The following ZMYND11 variants were observed in gnomAD, a reference collection of about 807,000 sequenced individuals.
The protein encoded by ZMYND11 is zinc finger MYND domain-containing protein 11.
Under a neutral mutation model 84.9 loss-of-function variants are expected in ZMYND11, and 9 were observed. The observed-to-expected ratio is 0.11, with a 90% confidence interval of 0.06 to 0.18. The LOEUF (loss-of-function observed/expected upper bound fraction) is 0.18, where lower values mean the gene tolerates loss of function less well. ZMYND11 is among the 10% of genes least tolerant of loss of function. ZMYND11 has a pLI of 1.00. For missense variants in ZMYND11, 409 were observed against 761.0 expected (o/e 0.54, Z 5.44); for synonymous variants, 250 against 244.1 (o/e 1.02, Z -0.23).
chr10:172,133 C>T (rs1845477778), intron 1 of ZMYND11, among the ~76,000 whole-genome samples: 1 of 152,164 alleles, frequency 6.6e-6, no homozygotes, highest in Non-Finnish European at 1.5e-5. Flanking sequence ...TTCATGAGGG[C>T]AGAGCCCCCA....
intron 1 of ZMYND11, among the ~76,000 whole-genome samples, chr10:136,054 C>T (rs1160687203): frequency 6.6e-6 from 1 of 151,624 alleles, no homozygotes; most frequent in Non-Finnish European, 1.5e-5. Context: ...CCGGGAGCGG[C>T]GGGCAGGGCT....
intron 2 of ZMYND11, among the ~76,000 whole-genome samples, chr10:194,672 A>G (rs1941306292): frequency 6.6e-6 from 1 of 152,232 alleles, no homozygotes; most frequent in South Asian, 2.1e-4. Flanking sequence ...TGATACAAGC[A>G]TATTTTAATG....
chr10:186,194 G>T (rs1035250189), intron 2 of ZMYND11, among the ~76,000 whole-genome samples: 1 of 151,526 alleles, frequency 6.6e-6, no homozygotes, highest in Admixed American at 6.6e-5. Flanking sequence ...TGTATTTTTA[G>T]TAGAGACGGG....
chr10:157,388 C>T lies in ZMYND11; in HGVS notation c.-20+21829C>T, dbSNP rs377069827. 9.9e-5 allele frequency among the ~76,000 whole-genome samples: 15 copies of T among 152,110 alleles called. No homozygotes were observed. The East Asian group carries it at 1.9e-3, about 20-fold the overall frequency. On this transcript the variant is annotated intron_variant, in intron 1 of 14. Coordinates refer to ENST00000381604, the MANE Select transcript of ZMYND11 (RefSeq NM_001370100.5). Reference sequence around the variant, plus strand: ...CTAATGTTTGTATTTTTTGTGGAGACGGGGTGTCACCATGTTGGCCAGGCT... The same window carrying T: ...CTAATGTTTGTATTTTTTGTGGAGATGGGGTGTCACCATGTTGGCCAGGCT...
intron 2 of ZMYND11, among the ~76,000 whole-genome samples, chr10:208,757 A>T (rs552878569): frequency 1.3e-5 from 2 of 152,312 alleles, no homozygotes; most frequent in South Asian, 4.1e-4. Context: ...TGACAGTGGC[A>T]ACATCTGTAA....
chr10:191,014 T>A (rs566840172), intron 2 of ZMYND11, among the ~76,000 whole-genome samples: 10 of 152,162 alleles, frequency 6.6e-5, no homozygotes, highest in Non-Finnish European at 1.2e-4. Flanking sequence ...TCTATCTTTG[T>A]ATCTTAGTGT....
chr10:198,571 G>A (rs1473510352), intron 2 of ZMYND11, among the ~76,000 whole-genome samples: 1 of 151,730 alleles, frequency 6.6e-6, no homozygotes, highest in Admixed American at 6.6e-5. Context: ...TTATGAAAAG[G>A]GTTCATATTT....
chr10:214,002 C>A (rs964363018), intron 3 of ZMYND11, among the ~76,000 whole-genome samples: 2 of 151,744 alleles, frequency 1.3e-5, no homozygotes. Context: ...ATAAATAATC[C>A]AAGTGGAAGC....
At chr10:202,547 G>T (rs1415792236) in intron 2 of ZMYND11, among the ~76,000 whole-genome samples, 1 of 151,860 alleles carries the variant, frequency 6.6e-6, no homozygotes. Context: ...AGAAAACAAA[G>T]TTATTGACTC....
chr10:139,788 T>G (rs1257086106), intron 1 of ZMYND11, among the ~76,000 whole-genome samples: 1 of 137,686 alleles, frequency 7.3e-6, no homozygotes, highest in Non-Finnish European at 1.5e-5. Context: ...CTTGGCTCAC[T>G]ACAACCTCCA....
intron 2 of ZMYND11, among the ~76,000 whole-genome samples, chr10:189,926 C>T (rs951259159): frequency 2.0e-5 from 3 of 151,976 alleles, no homozygotes; most frequent in African/African-American, 4.8e-5. Flanking sequence ...CGATGGGATT[C>T]GACAAGGCAG....
chr10:220,111 A>G (rs1039750795), intron 3 of ZMYND11, among the ~76,000 whole-genome samples: 1 of 152,118 alleles, frequency 6.6e-6, no homozygotes, highest in South Asian at 2.1e-4. Flanking sequence ...ATGAAAGCCC[A>G]TTTATTGGGG....
chr10:249,272 CAT>C, intron 14 of ZMYND11, 184 bp downstream of exon 14: 4 of 1,437,696 alleles, frequency 2.8e-6, no homozygotes, highest in Non-Finnish European at 3.6e-6. Flanking sequence ...CCCCAGATCC[CAT>C]ATTACTGTGT....
intron 7 of ZMYND11, 56 bp from the exon 8 acceptor site, chr10:239,998 CTT>C (rs1950601249): frequency 2.8e-6 from 4 of 1,442,546 alleles, no homozygotes; most frequent in Non-Finnish European, 9.6e-7. Context: ...AGGATAGTAA[CTT>C]TGAGTCTTGT....
chr10:228,430 C>G (rs1948478519), intron 4 of ZMYND11, among the ~76,000 whole-genome samples: 1 of 152,194 alleles, frequency 6.6e-6, no homozygotes, highest in African/African-American at 2.4e-5. Context: ...ATGCTTACAA[C>G]TTAATGTAGA....
chr10:213,459 G>A (rs1000194683), intron 3 of ZMYND11, among the ~76,000 whole-genome samples: 1 of 152,120 alleles, frequency 6.6e-6, no homozygotes, highest in African/African-American at 2.4e-5. Flanking sequence ...ATCAAGAAAG[G>A]AACATGACAA....
chr10:200,339 AACATATAT>A (rs1750264470), intron 2 of ZMYND11, among the ~76,000 whole-genome samples: 1 of 145,714 alleles, frequency 6.9e-6, no homozygotes, highest in South Asian at 2.1e-4. Flanking sequence ...TATTATATAT[AACATATAT>A]ACATATATGT....
chr10:198,449 G>A (rs930906700), intron 2 of ZMYND11, among the ~76,000 whole-genome samples: 6 of 151,872 alleles, frequency 4.0e-5, no homozygotes, highest in Non-Finnish European at 8.8e-5. Context: ...GGGATTTTTT[G>A]GTTAATCCCC....
chr10:246,371 G>T (rs1564460094), intron 10 of ZMYND11, among the ~76,000 whole-genome samples: 1 of 152,152 alleles, frequency 6.6e-6, no homozygotes, highest in Non-Finnish European at 1.5e-5. Flanking sequence ...GGTTATATTA[G>T]TTTACAGTAT....
Sources: allele counts gnomAD v4.1 joint callset (sites outside exome capture counted in the v4.1 genomes callset), GRCh38; gene constraint gnomAD v4.1.1; transcripts MANE v1.5; gene names NCBI Gene and HGNC (gene_info 2026-07-23, HGNC 2026-07-21).